Variants in GALNT16 observed in about 807,000 individuals in gnomAD.
GALNT16 encodes the protein UDP-GalNAc:polypeptide N-acetylgalactosaminyltransferase-like protein 1.
In GALNT16, 40 loss-of-function variants were observed where a neutral mutation model predicts 76.1. The ratio of observed to expected loss-of-function variants is 0.53; its 90% CI spans 0.41 to 0.68. The LOEUF is 0.68. Ranked by LOEUF, GALNT16 falls within the 30% of genes least tolerant of loss-of-function variation. The pLI is 0.00. For missense variants in GALNT16, 621 were observed against 731.9 expected, an observed-to-expected ratio of 0.85 and a Z score of 1.75; for synonymous variants, 276 against 285.2, an observed-to-expected ratio of 0.97 and a Z score of 0.32.
rs1349999366 is a variant in GALNT16 at position 69,347,810 on chromosome 14, C to T, written c.1414-67C>T. 2.6e-6 allele frequency: 4 copies of T among 1,568,108 alleles called. No individual in the cohort carries two copies. The African/African-American group carries it at 4.0e-5, about 16-fold the overall frequency. ...ATATGCCGTGTTTTTGCTTTATCCC[C>T]TATCTACCCATCTCTCCACCCATCG... On this transcript the variant is annotated intron_variant, in intron 13 of 14. Transcript: ENST00000448469.
At chr14:69,326,285 C>T (rs2045283777) in intron 5 of GALNT16, among the ~76,000 whole-genome samples, 1 of 152,232 alleles carries the variant, frequency 6.6e-6, no homozygotes, top group Admixed American at 6.5e-5. Flanking sequence ...CCCTTTCTGC[C>T]TTGCAAGGTG....
At chr14:69,375,949 CAT>C in the GALNT16 span, among the ~76,000 whole-genome samples, 1 of 150,622 alleles carries the variant, frequency 6.6e-6, no homozygotes, top group Non-Finnish European at 1.5e-5. Context: ...CTCAAATAGA[CAT>C]CTTTAACTTT....
At chr14:69,260,546 C>CG in intron 1 of GALNT16, 79 bp downstream of exon 1, 1 of 1,054,142 alleles carries the variant, frequency 9.5e-7, no homozygotes, top group Non-Finnish European at 1.2e-6. Context: ...GCCGAGGGCG[C>CG]GGGGCCCGGC....
chr14:69,328,562 G>A lies in GALNT16; in HGVS notation c.681G>A (p.Arg227=), dbSNP rs200530972. The A allele has an allele frequency of 6.3e-5, 101 of 1,612,644 alleles. No homozygotes were observed. Among genetic ancestry groups the A allele is most frequent in the Non-Finnish European group, 7.9e-5 (93 of 1,179,714 alleles). The stretch of plus-strand genomic sequence containing the variant: ...AGTGGCTGCCGCCCATGCTGCAGCG[G>A]GTGAAGGAGGTGAGCCACTGTCTCT... ...NTEWLPPMLQ[R]VKEDHTRVVS... Residue 227 remains arginine, a synonymous_variant, in exon 6 of 15, where the codon CGG becomes CGA. Coordinates refer to ENST00000448469, the MANE Select transcript of GALNT16 (RefSeq NM_001168368.2).
At chr14:69,344,499 A>T (rs888456766) in intron 12 of GALNT16, among the ~76,000 whole-genome samples, 1 of 152,198 alleles carries the variant, frequency 6.6e-6, no homozygotes, top group African/African-American at 2.4e-5. Context: ...GTGGATGCAG[A>T]GTTTAGAGGG....
intron 3 of GALNT16, 58 bp from the exon 4 acceptor site, chr14:69,325,279 A>G (rs2045265226): frequency 9.0e-7 from 1 of 1,115,256 alleles, no homozygotes; most frequent in Non-Finnish European, 1.4e-6. Flanking sequence ...CGGGAGTGGT[A>G]AAAATGGGAG....
At chr14:69,343,155 T>C (rs1330817244) in intron 12 of GALNT16, among the ~76,000 whole-genome samples, 2 of 152,242 alleles carry the variant, frequency 1.3e-5, no homozygotes, top group Non-Finnish European at 1.5e-5. Context: ...GCGCCCTCTA[T>C]AGCTGTCACC....
rs149859357 is a variant in GALNT16, at chr14:69,328,579, A to G, written c.690+8A>G. Reference sequence around the variant, plus strand: ...CTGCAGCGGGTGAAGGAGGTGAGCCACTGTCTCTGGGGAGCTGGGCGTCCT... The same window carrying G: ...CTGCAGCGGGTGAAGGAGGTGAGCCGCTGTCTCTGGGGAGCTGGGCGTCCT... On this transcript the variant is annotated splice_region_variant and intron_variant, in intron 6 of 14. Transcript: ENST00000448469. The G allele has an allele frequency of 1.2e-3, 1,940 of 1,611,382 alleles. 28 individuals are homozygous for G. The African/African-American group carries it at 0.023, about 19-fold the overall frequency.
chr14:69,280,091 G>A (rs1259285561), intron 1 of GALNT16, among the ~76,000 whole-genome samples: 2 of 152,062 alleles, frequency 1.3e-5, no homozygotes, highest in Non-Finnish European at 1.5e-5. Flanking sequence ...CAATTCAATG[G>A]CATTAAAGAC....
At chr14:69,281,399 G>T (rs1217554753) in intron 1 of GALNT16, among the ~76,000 whole-genome samples, 1 of 152,186 alleles carries the variant, frequency 6.6e-6, no homozygotes, top group Non-Finnish European at 1.5e-5. Context: ...AAGACGGGGA[G>T]AACCTAATTC....
At chr14:69,287,785 A>G (rs954411) in intron 1 of GALNT16, among the ~76,000 whole-genome samples, 42,532 of 152,012 alleles carry the variant, frequency 0.28, 6,489 homozygotes, top group East Asian at 0.38. Flanking sequence ...TTCAGATTTG[A>G]GGTGAAAACA....
chr14:69,318,098 G>T (rs982996779), intron 1 of GALNT16, among the ~76,000 whole-genome samples: 1 of 152,298 alleles, frequency 6.6e-6, no homozygotes, highest in Middle Eastern at 3.4e-3. Context: ...GAACAGCAGG[G>T]TCATCCTGAA....
At chr14:69,359,667 T>C (rs1266747966), downstream of GALNT16, among the ~76,000 whole-genome samples, 3 of 152,180 alleles carry the variant, frequency 2.0e-5, no homozygotes, top group Admixed American at 6.5e-5. Flanking sequence ...AGGTTTAAAC[T>C]CACTCTCACA....
At position 69,352,426 on chromosome 14, in the gene GALNT16, G is replaced by A; in HGVS notation, c.*258G>A. On this transcript the variant is annotated 3_prime_UTR_variant, in exon 15 of 15. Coordinates refer to ENST00000448469, the MANE Select transcript of GALNT16 (RefSeq NM_001168368.2). Reference sequence around the variant, plus strand: ...GGGTGCTGGACTGTTGCTGGGTAGAGACTGAGTAGGTGCCCCTGGCCCTTT... The same window carrying A: ...GGGTGCTGGACTGTTGCTGGGTAGAAACTGAGTAGGTGCCCCTGGCCCTTT... 2.2e-6 allele frequency: 1 copy of A among 446,446 alleles called. No homozygotes were observed. 27.7% of individuals were successfully genotyped at this position (446,446 alleles called of 1,614,324 possible). A position where few individuals can be genotyped will look rare whatever the true frequency, so the allele number is the denominator to read the frequency against.
At chr14:69,347,834 C>A (rs373113406) in intron 13 of GALNT16, 43 bp from the exon 14 acceptor site, 1 of 1,606,026 alleles carries the variant, frequency 6.2e-7, no homozygotes, top group South Asian at 1.1e-5. Flanking sequence ...CTCCACCCAT[C>A]GCTGTACTTT....
At chr14:69,292,547 C>T (rs1480992985) in intron 1 of GALNT16, among the ~76,000 whole-genome samples, 1 of 152,232 alleles carries the variant, frequency 6.6e-6, no homozygotes, top group Non-Finnish European at 1.5e-5. Flanking sequence ...TCCTTCCATA[C>T]CCTTGGCCAG....
the GALNT16 span, among the ~76,000 whole-genome samples, chr14:69,365,592 G>T: frequency 6.6e-6 from 1 of 152,136 alleles, no homozygotes; most frequent in Non-Finnish European, 1.5e-5. Context: ...TGGACACATT[G>T]GTGGGGAACA....
chr14:69,339,196 G>T (rs1412053643), intron 10 of GALNT16, among the ~76,000 whole-genome samples: 1 of 152,078 alleles, frequency 6.6e-6, no homozygotes, highest in Admixed American at 6.5e-5. Flanking sequence ...ACCACTCCAC[G>T]GTCTGCTCTC....
rs139765698 is a variant in GALNT16, at chr14:69,287,004, C to T, written c.177+26537C>T. Among the ~76,000 whole-genome samples, 1,445 of 152,288 alleles carry T rather than the reference C, an allele frequency of 9.5e-3. 24 individuals are homozygous for T. The highest frequency in any genetic ancestry group is 0.032 in the African/African-American group (1,350 of 41,560). On this transcript the variant is annotated intron_variant, in intron 1 of 14. Transcript: ENST00000448469. Reference sequence around the variant, plus strand: ...TACCCCAGGCCTGCCACAGAACACACGGCATCTTCTTGACCAGTGTAGCCC... The same window carrying T: ...TACCCCAGGCCTGCCACAGAACACATGGCATCTTCTTGACCAGTGTAGCCC...
Sources: gnomAD v4.1 joint callset for allele counts (sites outside exome capture counted in the v4.1 genomes callset) on GRCh38, gnomAD v4.1.1 for gene constraint, MANE v1.5 for transcripts, NCBI Gene and HGNC (gene_info 2026-07-23, HGNC 2026-07-21) for gene names.